The following STARD13 variants were observed in gnomAD, a reference collection of about 807,000 sequenced individuals.
STARD13 encodes stAR-related lipid transfer protein 13.
STARD13 carries 62 observed loss-of-function variants against 106.4 expected under a neutral mutation model. The ratio of observed to expected loss-of-function variants is 0.58; its 90% CI spans 0.48 to 0.72. The LOEUF (loss-of-function observed/expected upper bound fraction) is 0.72. Ranked by LOEUF, STARD13 falls within the 30% of genes least tolerant of loss-of-function variation. The pLI, the probability that STARD13 is intolerant of heterozygous loss-of-function variation, is 0.00. For missense variants in STARD13, 1,387 were observed against 1,424.0 expected, an observed-to-expected ratio of 0.97 and a Z score of 0.42; for synonymous variants, 565 against 553.0, an observed-to-expected ratio of 1.02 and a Z score of -0.31.
the STARD13 span, among the ~76,000 whole-genome samples, chr13:33,537,927 G>A: frequency 1.3e-5 from 2 of 152,058 alleles, no homozygotes; most frequent in Non-Finnish European, 2.9e-5. Flanking sequence ...GAGAACTAGG[G>A]CATTGCCTAG....
At chr13:33,641,782 A>T in the STARD13 span, among the ~76,000 whole-genome samples, 1 of 152,192 alleles carries the variant, frequency 6.6e-6, no homozygotes, top group Admixed American at 6.5e-5. Context: ...AGGAAACCGA[A>T]TTCCAGAAAA....
chr13:33,419,015 G>C, the STARD13 span, among the ~76,000 whole-genome samples: 1 of 152,182 alleles, frequency 6.6e-6, no homozygotes, highest in Non-Finnish European at 1.5e-5. Flanking sequence ...GGAGAAACCA[G>C]AGCAGAAAAG....
chr13:33,608,024 C>T, the STARD13 span, among the ~76,000 whole-genome samples: 1 of 152,322 alleles, frequency 6.6e-6, no homozygotes, highest in Non-Finnish European at 1.5e-5. Context: ...ATCCTCCCAC[C>T]TCAGGCTTTG....
intron 12 of STARD13, among the ~76,000 whole-genome samples, chr13:33,109,574 C>T (rs944387890): frequency 2.6e-5 from 4 of 152,202 alleles, no homozygotes; most frequent in African/African-American, 9.6e-5. Flanking sequence ...GGACAAACAG[C>T]AGCTTTTCTG....
chr13:33,279,195 A>G (rs1455736223), intron 1 of STARD13, among the ~76,000 whole-genome samples: 1 of 152,158 alleles, frequency 6.6e-6, no homozygotes, highest in Non-Finnish European at 1.5e-5. Flanking sequence ...GTCCCTTTAT[A>G]TAAGAGTTTT....
At chr13:33,603,737 T>A in the STARD13 span, among the ~76,000 whole-genome samples, 10 of 152,012 alleles carry the variant, frequency 6.6e-5, no homozygotes, top group South Asian at 2.1e-4. Context: ...GAAAAAAAAA[T>A]TTTAAAAATT....
chr13:33,159,089 C>G (rs886884477), intron 3 of STARD13, among the ~76,000 whole-genome samples: 2 of 152,180 alleles, frequency 1.3e-5, no homozygotes, highest in Non-Finnish European at 2.9e-5. Context: ...CATTTTTATA[C>G]AAGCCGGGCC....
intron 1 of STARD13, among the ~76,000 whole-genome samples, chr13:33,207,609 C>T (rs371899720): frequency 3.3e-5 from 5 of 152,160 alleles, no homozygotes; most frequent in South Asian, 2.1e-4. Context: ...CCCCTGATTT[C>T]GTCCAGCTTT....
chr13:33,644,764 A>G, the STARD13 span, among the ~76,000 whole-genome samples: 1 of 152,214 alleles, frequency 6.6e-6, no homozygotes, highest in African/African-American at 2.4e-5. Context: ...AACTAAACCA[A>G]TGAGCAACCT....
At chr13:33,518,008 C>T in the STARD13 span, among the ~76,000 whole-genome samples, 8 of 150,076 alleles carry the variant, frequency 5.3e-5, no homozygotes, top group African/African-American at 2.0e-4. Flanking sequence ...ATGGCAAAAA[C>T]AAACAACAAC....
downstream of STARD13, among the ~76,000 whole-genome samples, chr13:33,343,764 T>C (rs1412880763): frequency 6.6e-6 from 1 of 151,774 alleles, no homozygotes; most frequent in Non-Finnish European, 1.5e-5. Context: ...CTGGTAGTAA[T>C]TTATTCAGGT....
chr13:33,392,160 AG>A, the STARD13 span, among the ~76,000 whole-genome samples: 1 of 152,112 alleles, frequency 6.6e-6, no homozygotes, highest in Non-Finnish European at 1.5e-5. Flanking sequence ...GAGGGCCCCT[AG>A]GGTCCTATAA....
At chr13:33,384,261 G>T in the STARD13 span, among the ~76,000 whole-genome samples, 3 of 152,160 alleles carry the variant, frequency 2.0e-5, no homozygotes, top group African/African-American at 7.2e-5. Context: ...CTTTAACCCT[G>T]CTGTTTATTA....
At chr13:33,582,777 A>G in the STARD13 span, among the ~76,000 whole-genome samples, 1 of 152,166 alleles carries the variant, frequency 6.6e-6, no homozygotes, top group Admixed American at 6.5e-5. Context: ...CAACCTAACC[A>G]CTTTTTCACA....
chr13:33,325,787 G>C (rs1460684960), intron 1 of STARD13, among the ~76,000 whole-genome samples: 1 of 152,012 alleles, frequency 6.6e-6, no homozygotes, highest in Non-Finnish European at 1.5e-5. Context: ...GAGGTCAGGA[G>C]ATCGAGACCA....
chr13:33,267,932 G>A (rs529005708), intron 1 of STARD13, among the ~76,000 whole-genome samples: 2 of 152,306 alleles, frequency 1.3e-5, no homozygotes, highest in African/African-American at 4.8e-5. Flanking sequence ...CACATCTTAT[G>A]AGAGGAGTTG....
chr13:33,663,645 A>G, the STARD13 span, among the ~76,000 whole-genome samples: 1 of 152,182 alleles, frequency 6.6e-6, no homozygotes, highest in Admixed American at 6.5e-5. Context: ...CTAATAAGGG[A>G]GTATGACTAT....
At chr13:33,277,823 G>C (rs545300435) in intron 1 of STARD13, 15 of 152,088 alleles carry the variant, frequency 9.9e-5, no homozygotes, top group Non-Finnish European at 1.9e-4. Flanking sequence ...CCCATATACC[G>C]ACTCAGCTTT....
chr13:33,587,379 C>T, the STARD13 span, among the ~76,000 whole-genome samples: 14 of 152,138 alleles, frequency 9.2e-5, no homozygotes, highest in Admixed American at 9.2e-4. Context: ...TCTATCTCTA[C>T]TCCTAAGATC....
Sources: allele counts gnomAD v4.1 joint callset (sites outside exome capture counted in the v4.1 genomes callset), GRCh38; gene constraint gnomAD v4.1.1; transcripts MANE v1.5; gene names NCBI Gene and HGNC (gene_info 2026-07-23, HGNC 2026-07-21).